The following ROBO2 variants were observed in gnomAD, a reference collection of about 807,000 sequenced individuals.
ROBO2 encodes the protein roundabout homolog 2.
A neutral mutation model predicts 160.8 loss-of-function variants in ROBO2; 53 were observed. The observed-to-expected ratio is 0.33, with a 90% confidence interval of 0.26 to 0.41. The LOEUF is 0.41. Ranked by LOEUF, ROBO2 falls within the 10% of genes least tolerant of loss-of-function variation. The pLI is 1.00. For synonymous variants in ROBO2, 664 were observed against 611.7 expected (o/e 1.09, Z -1.26); for missense variants, 1,577 against 1,722.4 (o/e 0.92, Z 1.49).
rs543853412 is a variant in ROBO2 at position 76,723,385 on chromosome 3, G to GA, written c.110-374622dup. 4.6e-5 allele frequency among the ~76,000 whole-genome samples: 7 copies of GA among 152,142 alleles called. No homozygotes were observed. The South Asian group carries it at 1.0e-3, about 23-fold the overall frequency. On this transcript the variant is annotated intron_variant, in intron 2 of 26. Transcript: ENST00000487694. ...ATATGAGTAGTGCACCATCTTTGGG[G>GA]AAAAAAATCCATAAACATAAGTGAC...
chr3:76,279,392 T>G (rs911527963), intron 2 of ROBO2, among the ~76,000 whole-genome samples: 1 of 151,920 alleles, frequency 6.6e-6, no homozygotes, highest in South Asian at 2.1e-4. Flanking sequence ...ACCAACATCT[T>G]TACTCAAACT....
intron 2 of ROBO2, among the ~76,000 whole-genome samples, chr3:76,147,305 A>T (rs72630356): frequency 0.045 from 6,868 of 151,872 alleles, 350 homozygotes; most frequent in East Asian, 0.21. Flanking sequence ...AGTAAATGTA[A>T]TGAACATATT....
intron 1 of ROBO2, among the ~76,000 whole-genome samples, chr3:77,067,054 A>ACACG (rs1468249857): frequency 6.6e-6 from 1 of 151,172 alleles, no homozygotes; most frequent in Admixed American, 6.6e-5. Context: ...ACACACACAC[A>ACACG]CACACTGCAA....
chr3:76,875,104 T>C (rs1220815948), intron 2 of ROBO2, among the ~76,000 whole-genome samples: 1 of 152,134 alleles, frequency 6.6e-6, no homozygotes, highest in Non-Finnish European at 1.5e-5. Flanking sequence ...AAGGCCCTTA[T>C]AAAAGAGGCT....
At chr3:77,363,725 C>T (rs1162868591) in intron 2 of ROBO2, among the ~76,000 whole-genome samples, 1 of 152,186 alleles carries the variant, frequency 6.6e-6, no homozygotes, top group Non-Finnish European at 1.5e-5. Flanking sequence ...GTATAGGGCA[C>T]AGCCCCACTG....
chr3:76,662,904 T>A (rs1426357804), intron 2 of ROBO2, among the ~76,000 whole-genome samples: 5 of 152,138 alleles, frequency 3.3e-5, no homozygotes, highest in Non-Finnish European at 1.5e-5. Context: ...GTTGAAGAAA[T>A]TGAACTCAGG....
intron 2 of ROBO2, among the ~76,000 whole-genome samples, chr3:76,300,610 A>G (rs1277617772): frequency 1.3e-5 from 2 of 151,388 alleles, no homozygotes; most frequent in African/African-American, 4.9e-5. Flanking sequence ...ATTAGTGCTT[A>G]TATATGCACA....
intron 2 of ROBO2, among the ~76,000 whole-genome samples, chr3:76,352,576 A>G (rs1468042518): frequency 6.6e-6 from 1 of 152,014 alleles, no homozygotes; most frequent in Non-Finnish European, 1.5e-5. Context: ...TGGTTTCTTT[A>G]GTATAGTATT....
chr3:76,656,617 T>C (rs1448338025), intron 2 of ROBO2, among the ~76,000 whole-genome samples: 3 of 147,800 alleles, frequency 2.0e-5, no homozygotes, highest in Non-Finnish European at 4.4e-5. Flanking sequence ...GTTCATTACC[T>C]TTGTTTTGTT....
chr3:76,111,818 C>T (rs370090587), intron 2 of ROBO2, among the ~76,000 whole-genome samples: 5 of 152,070 alleles, frequency 3.3e-5, no homozygotes, highest in Admixed American at 2.0e-4. Context: ...CTCTCTCTTT[C>T]TCTCTCCCTG....
chr3:76,536,274 T>C lies in ROBO2; in HGVS notation c.110-561740T>C, dbSNP rs1413009496. On this transcript the variant is annotated intron_variant, in intron 2 of 26. Transcript: ENST00000487694. ...CCACTTGGCTGACTCTTCTCTATTG[T>C]TGAACACCTTGAAGGCAAGGTTGAT... 2.0e-5 allele frequency among the ~76,000 whole-genome samples: 3 copies of C among 152,302 alleles called. No individual in the cohort carries two copies. In the East Asian group the frequency reaches 5.8e-4, roughly 29 times the overall value.
chr3:77,349,840 A>G (rs900160492), intron 2 of ROBO2, among the ~76,000 whole-genome samples: 3 of 152,082 alleles, frequency 2.0e-5, no homozygotes, highest in African/African-American at 7.2e-5. Context: ...CGTGATCACA[A>G]AACAGCCTTA....
At chr3:76,976,457 C>T (rs557091213) in intron 2 of ROBO2, among the ~76,000 whole-genome samples, 4 of 152,210 alleles carry the variant, frequency 2.6e-5, no homozygotes, top group East Asian at 1.9e-4. Context: ...TGAATGGCAC[C>T]GCAATGACCA....
intron 2 of ROBO2, among the ~76,000 whole-genome samples, chr3:75,949,754 C>T (rs2107174289): frequency 9.2e-6 from 1 of 108,486 alleles, no homozygotes; most frequent in East Asian, 2.6e-4. Context: ...TGACAAGTTA[C>T]CAGAAAAATA....
At chr3:76,961,304 T>C (rs969918317) in intron 2 of ROBO2, among the ~76,000 whole-genome samples, 1 of 120,310 alleles carries the variant, frequency 8.3e-6, no homozygotes, top group Non-Finnish European at 1.8e-5. Context: ...CAAAGGAAAA[T>C]GTAAAAAAAA....
chr3:76,379,420 C>A (rs1356609898), intron 2 of ROBO2, among the ~76,000 whole-genome samples: 2 of 151,948 alleles, frequency 1.3e-5, no homozygotes, highest in African/African-American at 4.8e-5. Flanking sequence ...CTATGTAGAA[C>A]AAATTGATCC....
At chr3:77,568,042 T>C (rs1207720119) in intron 12 of ROBO2, among the ~76,000 whole-genome samples, 1 of 152,082 alleles carries the variant, frequency 6.6e-6, no homozygotes, top group African/African-American at 2.4e-5. Context: ...AGTGATCTTA[T>C]ACAACAGTGT....
At chr3:77,179,155 A>C (rs112386107) in intron 2 of ROBO2, among the ~76,000 whole-genome samples, 10,834 of 152,040 alleles carry the variant, frequency 0.071, 404 homozygotes, top group Admixed American at 0.098. Context: ...CCTAATAAAA[A>C]TTCAAGAGCT....
At chr3:77,393,867 A>G (rs1258054155) in intron 2 of ROBO2, among the ~76,000 whole-genome samples, 1 of 151,994 alleles carries the variant, frequency 6.6e-6, no homozygotes, top group Non-Finnish European at 1.5e-5. Flanking sequence ...GCAGAATATT[A>G]TATATATGGT....
Sources: allele counts gnomAD v4.1 joint callset (sites outside exome capture counted in the v4.1 genomes callset), GRCh38; gene constraint gnomAD v4.1.1; transcripts MANE v1.5; gene names NCBI Gene and HGNC (gene_info 2026-07-23, HGNC 2026-07-21).